Variants in TASP1 observed in about 807,000 individuals in gnomAD.
The protein encoded by TASP1 is taspase 1, also known as threonine aspartase 1.
In TASP1, 16 loss-of-function variants were observed where a neutral mutation model predicts 56.6. That is an observed-to-expected ratio of 0.28 (90% CI 0.19 to 0.43). The LOEUF (loss-of-function observed/expected upper bound fraction) is 0.43, where lower values mean the gene tolerates loss of function less well. TASP1 is among the 20% of genes least tolerant of loss of function. The pLI is 1.00. For synonymous variants in TASP1, 179 were observed against 184.2 expected (o/e 0.97, Z 0.23); for missense variants, 393 against 511.6 (o/e 0.77, Z 2.24).
chr20:13,324,264 A>G, the TASP1 span, among the ~76,000 whole-genome samples: 1 of 152,248 alleles, frequency 6.6e-6, no homozygotes, highest in Non-Finnish European at 1.5e-5. Flanking sequence ...GTAAGGGAAC[A>G]GAAGATGACA....
chr20:13,270,540 A>T, the TASP1 span: 11 of 1,613,702 alleles, frequency 6.8e-6, no homozygotes, highest in Admixed American at 5.0e-5. Flanking sequence ...CACATCAGAA[A>T]CCAGCTTTTC....
intron 11 of TASP1, among the ~76,000 whole-genome samples, chr20:13,474,050 T>C (rs560697793): frequency 9.8e-5 from 15 of 152,314 alleles, no homozygotes; most frequent in African/African-American, 3.6e-4. Context: ...CACTCCAGCC[T>C]GCATGACAGA....
At chr20:13,224,849 T>C in the TASP1 span, among the ~76,000 whole-genome samples, 1 of 141,940 alleles carries the variant, frequency 7.0e-6, no homozygotes, top group East Asian at 2.0e-4. Flanking sequence ...TTCTTTTTTT[T>C]TTTTTTTTTT....
chr20:13,186,705 G>C, the TASP1 span, among the ~76,000 whole-genome samples: 1 of 152,090 alleles, frequency 6.6e-6, no homozygotes, highest in East Asian at 1.9e-4. Context: ...TAAAAACAAG[G>C]ATACTAGAAG....
At chr20:13,395,158 A>C (rs2041475670) in intron 13 of TASP1, among the ~76,000 whole-genome samples, 1 of 152,244 alleles carries the variant, frequency 6.6e-6, no homozygotes, top group Non-Finnish European at 1.5e-5. Context: ...GGCATGAGCA[A>C]CTTAAACAGC....
At chr20:13,230,097 G>A in the TASP1 span, among the ~76,000 whole-genome samples, 10 of 152,154 alleles carry the variant, frequency 6.6e-5, no homozygotes, top group African/African-American at 2.4e-4. Context: ...TTTGAGGTTT[G>A]GGGGCATCCT....
chr20:13,410,579 C>G (rs6042079), intron 13 of TASP1, among the ~76,000 whole-genome samples: 15,863 of 152,132 alleles, frequency 0.1, 1,645 homozygotes, highest in African/African-American at 0.27. Context: ...CTGATGATTA[C>G]TGACGTTGAG....
At chr20:13,514,360 T>C (rs975224174) in intron 10 of TASP1, among the ~76,000 whole-genome samples, 3 of 152,166 alleles carry the variant, frequency 2.0e-5, no homozygotes, top group African/African-American at 7.2e-5. Context: ...CTCAGCATTA[T>C]TAAACACAGC....
the TASP1 span, among the ~76,000 whole-genome samples, chr20:13,263,003 C>T: frequency 0.012 from 1,826 of 152,292 alleles, 36 homozygotes; most frequent in African/African-American, 0.041. Context: ...CTGAGACCCT[C>T]CTGAATTCTT....
At chr20:13,223,525 T>A in the TASP1 span, among the ~76,000 whole-genome samples, 8 of 152,298 alleles carry the variant, frequency 5.3e-5, no homozygotes, top group African/African-American at 1.9e-4. Flanking sequence ...TTACACCAAA[T>A]TTTGTCTCTA....
At chr20:13,147,644 G>A in the TASP1 span, among the ~76,000 whole-genome samples, 2 of 152,034 alleles carry the variant, frequency 1.3e-5, no homozygotes, top group Admixed American at 1.3e-4. Context: ...ATTTTCCCTG[G>A]GTTAATTTTT....
chr20:13,477,308 C>T (rs1200027538), intron 11 of TASP1, among the ~76,000 whole-genome samples: 1 of 151,922 alleles, frequency 6.6e-6, no homozygotes, highest in African/African-American at 2.4e-5. Context: ...TTTTTAAAAT[C>T]GTAATACTAT....
At chr20:13,110,202 T>C in the TASP1 span, 1 of 1,613,526 alleles carries the variant, frequency 6.2e-7, no homozygotes, top group Non-Finnish European at 8.5e-7. Flanking sequence ...CTCATCCTGG[T>C]GGAGGGTGTC....
At chr20:13,625,935 G>A (rs949649828) in intron 2 of TASP1, among the ~76,000 whole-genome samples, 3 of 152,034 alleles carry the variant, frequency 2.0e-5, no homozygotes, top group Non-Finnish European at 4.4e-5. Context: ...GAATAAAATG[G>A]TTTCCCTACA....
chr20:13,455,667 C>T (rs1436649902), intron 11 of TASP1, among the ~76,000 whole-genome samples: 2 of 152,062 alleles, frequency 1.3e-5, no homozygotes, highest in Non-Finnish European at 2.9e-5. Context: ...GCAGACCATC[C>T]ACATCAATTT....
chr20:13,362,838 T>TATATATATATATATA, the TASP1 span, among the ~76,000 whole-genome samples: 76 of 145,052 alleles, frequency 5.2e-4, no homozygotes, highest in Non-Finnish European at 6.7e-4. Context: ...TATATATATA[T>TATATATATATATATA]TTGTCTCTCC....
chr20:13,310,930 AC>A, the TASP1 span, among the ~76,000 whole-genome samples: 4 of 152,236 alleles, frequency 2.6e-5, no homozygotes, highest in Admixed American at 1.3e-4. Context: ...ACGGTGGCTC[AC>A]GCCTGTAATC....
chr20:13,332,719 C>G, the TASP1 span, among the ~76,000 whole-genome samples: 1 of 152,200 alleles, frequency 6.6e-6, no homozygotes, highest in East Asian at 1.9e-4. Context: ...CCTACCTTTT[C>G]CACTCTATGT....
intron 11 of TASP1, among the ~76,000 whole-genome samples, chr20:13,445,616 T>G (rs1347723542): frequency 6.6e-6 from 1 of 152,024 alleles, no homozygotes; most frequent in Non-Finnish European, 1.5e-5. Context: ...TGGCCTAGGT[T>G]TTCAGCCCTA....
Sources: gnomAD v4.1 joint callset for allele counts (sites outside exome capture counted in the v4.1 genomes callset) on GRCh38, gnomAD v4.1.1 for gene constraint, MANE v1.5 for transcripts, NCBI Gene and HGNC (gene_info 2026-07-23, HGNC 2026-07-21) for gene names.